The following LMBRD1 variants were observed in gnomAD, a reference collection of about 807,000 sequenced individuals.
The protein encoded by LMBRD1 is LMBR1 domain containing 1, also known as lysosomal cobalamin transport escort protein LMBD1.
In LMBRD1, 64 loss-of-function variants were observed where a neutral mutation model predicts 74.8. The ratio of observed to expected loss-of-function variants is 0.86; its 90% confidence interval spans 0.70 to 1.05. LMBRD1 has a LOEUF of 1.05. Ranked by LOEUF, LMBRD1 falls within the 50% of genes least tolerant of loss-of-function variation. The pLI is 0.00. For synonymous variants in LMBRD1, 204 were observed against 216.3 expected, an observed-to-expected ratio of 0.94 and a Z score of 0.50; for missense variants, 652 against 645.9, an observed-to-expected ratio of 1.01 and a Z score of -0.10.
intron 5 of LMBRD1, among the ~76,000 whole-genome samples, chr6:69,742,426 C>A (rs1030384249): frequency 1.3e-5 from 2 of 152,068 alleles, no homozygotes; most frequent in African/African-American, 4.8e-5. Flanking sequence ...ATTTGTTTTT[C>A]AACCCACAGG....
intron 9 of LMBRD1, among the ~76,000 whole-genome samples, chr6:69,708,786 T>G (rs1766317918): frequency 1.3e-5 from 2 of 152,146 alleles, no homozygotes; most frequent in Admixed American, 1.3e-4. Context: ...GGCACAAAAT[T>G]TTGAGATAGA....
intron 2 of LMBRD1, among the ~76,000 whole-genome samples, chr6:69,785,508 A>G (rs567565114): frequency 5.9e-5 from 9 of 152,296 alleles, no homozygotes; most frequent in African/African-American, 9.6e-5. Flanking sequence ...TCACTTGCCC[A>G]TGCACATGCC....
At chr6:69,763,844 C>A (rs1283391267) in intron 3 of LMBRD1, among the ~76,000 whole-genome samples, 5 of 152,182 alleles carry the variant, frequency 3.3e-5, no homozygotes, top group Non-Finnish European at 7.4e-5. Context: ...TTTATTGAAA[C>A]GCTTTTTTCC....
At chr6:69,716,162 G>T (rs979689331) in intron 8 of LMBRD1, among the ~76,000 whole-genome samples, 1 of 152,138 alleles carries the variant, frequency 6.6e-6, no homozygotes, top group African/African-American at 2.4e-5. Context: ...TTGGATGGTA[G>T]TCCTACTTTT....
At chr6:69,712,586 A>G (rs1174073901) in intron 9 of LMBRD1, among the ~76,000 whole-genome samples, 1 of 152,146 alleles carries the variant, frequency 6.6e-6, no homozygotes, top group Non-Finnish European at 1.5e-5. Flanking sequence ...TTGTGACAAC[A>G]TGGATGTGCC....
At chr6:69,712,243 C>T (rs1766398751) in intron 9 of LMBRD1, among the ~76,000 whole-genome samples, 6 of 152,086 alleles carry the variant, frequency 3.9e-5, no homozygotes, top group Admixed American at 3.9e-4. Flanking sequence ...ACTTTTTAGT[C>T]TCAGCCATAT....
intron 3 of LMBRD1, among the ~76,000 whole-genome samples, chr6:69,778,250 C>A (rs1319508971): frequency 6.6e-6 from 1 of 152,150 alleles, no homozygotes; most frequent in Non-Finnish European, 1.5e-5. Context: ...AAATTAAGTT[C>A]TATAGGAAAT....
chr6:69,767,126 G>C (rs936039635), intron 3 of LMBRD1, among the ~76,000 whole-genome samples: 5 of 151,012 alleles, frequency 3.3e-5, no homozygotes, highest in Non-Finnish European at 5.9e-5. Context: ...CCTAAGTCTG[G>C]CTAAAGATTT....
chr6:69,795,087 G>A (rs1766184529), intron 1 of LMBRD1, among the ~76,000 whole-genome samples: 1 of 152,084 alleles, frequency 6.6e-6, no homozygotes, highest in African/African-American at 2.4e-5. Flanking sequence ...CATACACTTC[G>A]ACTAAAATAA....
intron 3 of LMBRD1, among the ~76,000 whole-genome samples, chr6:69,772,562 G>C (rs945278149): frequency 6.6e-6 from 1 of 152,038 alleles, no homozygotes; most frequent in Non-Finnish European, 1.5e-5. Context: ...GGTCTCTAGA[G>C]ATTATCTAGA....
At chr6:69,793,230 A>C (rs571704828) in intron 1 of LMBRD1, among the ~76,000 whole-genome samples, 1 of 152,192 alleles carries the variant, frequency 6.6e-6, no homozygotes, top group Non-Finnish European at 1.5e-5. Context: ...ATTCAAAATA[A>C]ATTGGTCTGA....
At chr6:69,793,715 AATCTTTTTT>A (rs1290143735) in intron 1 of LMBRD1, among the ~76,000 whole-genome samples, 1 of 130,678 alleles carries the variant, frequency 7.7e-6, no homozygotes, top group African/African-American at 3.4e-5. Context: ...TCATGTCCTG[AATCTTTTTT>A]TTTTTTTTTT....
chr6:69,767,025 T>C (rs922344343), intron 3 of LMBRD1, among the ~76,000 whole-genome samples: 1 of 151,814 alleles, frequency 6.6e-6, no homozygotes, highest in Non-Finnish European at 1.5e-5. Flanking sequence ...TTGTAATTCT[T>C]TTAATTTCTG....
intron 9 of LMBRD1, among the ~76,000 whole-genome samples, chr6:69,713,324 A>G (rs1766422430): frequency 1.3e-5 from 2 of 152,144 alleles, no homozygotes; most frequent in Non-Finnish European, 2.9e-5. Flanking sequence ...ATCTACTAGG[A>G]GAAAGCATAG....
chr6:69,786,334 C>A (rs1765945005), intron 2 of LMBRD1, among the ~76,000 whole-genome samples: 1 of 152,116 alleles, frequency 6.6e-6, no homozygotes, highest in Admixed American at 6.6e-5. Flanking sequence ...AATAACAGTC[C>A]ATAAAGATAT....
intron 3 of LMBRD1, among the ~76,000 whole-genome samples, chr6:69,754,573 T>A (rs767513627): frequency 9.2e-5 from 14 of 152,190 alleles, no homozygotes; most frequent in Non-Finnish European, 1.8e-4. Context: ...TTAATGAAAT[T>A]TATGCAGGCT....
intron 6 of LMBRD1, 38 bp from the exon 7 acceptor site, chr6:69,738,053 T>C (rs1363290675): frequency 2.2e-6 from 3 of 1,394,856 alleles, no homozygotes; most frequent in Non-Finnish European, 2.0e-6. Context: ...TGTACATATA[T>C]ACTACTCAAA....
rs1767112148 is a variant in LMBRD1 at position 69,741,884 on chromosome 6, A to G, written c.474-7T>C. The G allele has an allele frequency of 6.6e-7, 1 of 1,509,024 alleles. No individual in the cohort carries two copies. Among genetic ancestry groups the G allele is most frequent in the African/African-American group, 1.4e-5 (1 of 72,936 alleles). The allele number at this position is 1,509,024 out of a possible 1,614,324, so 93.5% of individuals were successfully genotyped here. On this transcript the variant is annotated splice_polypyrimidine_tract_variant and splice_region_variant and intron_variant, in intron 5 of 15. Transcript: ENST00000649934. ...ATTCAATGGAACAAAGGCACTACAA[A>G]AGAGAAAATAATTGTTTTAATAGCT...
chr6:69,792,775 AT>A (rs1298706844), intron 1 of LMBRD1, among the ~76,000 whole-genome samples: 3 of 152,142 alleles, frequency 2.0e-5, no homozygotes, highest in Admixed American at 1.3e-4. Context: ...GTTCCAATAA[AT>A]TTTTTATTGG....
Sources: allele counts gnomAD v4.1 joint callset (sites outside exome capture counted in the v4.1 genomes callset), GRCh38; gene constraint gnomAD v4.1.1; transcripts MANE v1.5; gene names NCBI Gene and HGNC (gene_info 2026-07-23, HGNC 2026-07-21).